Variants in KCNJ6 observed in about 807,000 individuals in gnomAD.
The protein encoded by KCNJ6 is potassium inwardly rectifying channel subfamily J member 6.
In KCNJ6, 9 loss-of-function variants were observed where a neutral mutation model predicts 34.2. The ratio of observed to expected loss-of-function variants is 0.26; its 90% CI spans 0.16 to 0.46. The LOEUF is 0.46. KCNJ6 is among the 20% of genes least tolerant of loss of function. The pLI is 1.00. For synonymous variants in KCNJ6, 196 were observed against 207.1 expected (o/e 0.95, Z 0.46); for missense variants, 236 against 531.3 (o/e 0.44, Z 5.46).
intron 3 of KCNJ6, among the ~76,000 whole-genome samples, chr21:37,648,373 G>A (rs530678998): frequency 1.3e-5 from 2 of 152,284 alleles, no homozygotes; most frequent in East Asian, 3.9e-4. Flanking sequence ...AAAGATGATG[G>A]GGAAAGCTGT....
intron 3 of KCNJ6, among the ~76,000 whole-genome samples, chr21:37,654,186 G>A (rs1339493276): frequency 1.4e-5 from 2 of 142,912 alleles, no homozygotes; most frequent in African/African-American, 2.6e-5. Context: ...TCGTTTGTTA[G>A]TTCATCCACA....
chr21:37,886,746 G>A (rs2123629831), intron 1 of KCNJ6, among the ~76,000 whole-genome samples: 1 of 152,186 alleles, frequency 6.6e-6, no homozygotes, highest in Admixed American at 6.5e-5. Flanking sequence ...TCAAAGCCTA[G>A]CTGTCACTCT....
intron 2 of KCNJ6, among the ~76,000 whole-genome samples, chr21:37,755,730 G>T (rs1344095888): frequency 3.9e-5 from 6 of 152,210 alleles, no homozygotes; most frequent in African/African-American, 1.2e-4. Flanking sequence ...AGCCATGAAG[G>T]GGTGAGGTGG....
intron 1 of KCNJ6, among the ~76,000 whole-genome samples, chr21:37,908,518 T>C (rs1021633112): frequency 6.6e-6 from 1 of 152,194 alleles, no homozygotes; most frequent in Admixed American, 6.5e-5. Flanking sequence ...GAAGACAGCA[T>C]CTAATTCTTC....
chr21:37,908,516 C>T (rs185882003), intron 1 of KCNJ6, among the ~76,000 whole-genome samples: 12 of 152,322 alleles, frequency 7.9e-5, no homozygotes, highest in Admixed American at 7.2e-4. Flanking sequence ...TAGAAGACAG[C>T]ATCTAATTCT....
At chr21:37,888,903 G>C (rs1447575399) in intron 1 of KCNJ6, among the ~76,000 whole-genome samples, 1 of 152,204 alleles carries the variant, frequency 6.6e-6, no homozygotes, top group East Asian at 1.9e-4. Context: ...GGGAGACTGA[G>C]GTCATCAAGG....
intron 1 of KCNJ6, among the ~76,000 whole-genome samples, chr21:37,899,266 C>T (rs2055804906): frequency 6.6e-6 from 1 of 152,002 alleles, no homozygotes; most frequent in African/African-American, 2.4e-5. Context: ...CATGACATCG[C>T]TTTAATGATA....
intron 2 of KCNJ6, among the ~76,000 whole-genome samples, chr21:37,739,908 G>T (rs576228313): frequency 1.1e-4 from 13 of 114,568 alleles, no homozygotes; most frequent in Non-Finnish European, 2.3e-4. Flanking sequence ...CAATTCTTTA[G>T]GTTTGAAAAA....
chr21:37,649,157 A>AAAAAAAAAAAAAAC (rs755535850), intron 3 of KCNJ6, among the ~76,000 whole-genome samples: 2 of 134,018 alleles, frequency 1.5e-5, no homozygotes, highest in Non-Finnish European at 1.6e-5. Flanking sequence ...AAAAAAAAGA[A>AAAAAAAAAAAAAAC]AGAAAAAGAA....
At chr21:37,855,645 T>C (rs1232805107) in intron 1 of KCNJ6, among the ~76,000 whole-genome samples, 3 of 152,198 alleles carry the variant, frequency 2.0e-5, no homozygotes, top group Admixed American at 6.5e-5. Flanking sequence ...CAAGAATGAC[T>C]GCATCTGCTG....
At chr21:37,886,215 C>G (rs2055734839) in intron 1 of KCNJ6, among the ~76,000 whole-genome samples, 1 of 152,178 alleles carries the variant, frequency 6.6e-6, no homozygotes, top group Admixed American at 6.5e-5. Flanking sequence ...AAACCCAACT[C>G]TTGATCTTTT....
rs909151437 is a variant in KCNJ6, at chr21:37,716,907, G to A, written c.26-1776C>T. ...TTCCTCCAGACTTAAATTCTGTGTC[G>A]TTTGACTCTGCCATGTGTTTCCTTT... On this transcript the variant is annotated intron_variant, in intron 2 of 3. Transcript: ENST00000609713. 2.6e-5 allele frequency among the ~76,000 whole-genome samples: 4 copies of A among 151,420 alleles called. No homozygotes were observed. The South Asian group carries it at 6.3e-4, about 24-fold the overall frequency.
At chr21:37,797,036 AC>A (rs1403057552) in intron 2 of KCNJ6, among the ~76,000 whole-genome samples, 1 of 148,620 alleles carries the variant, frequency 6.7e-6, no homozygotes, top group East Asian at 2.0e-4. Context: ...CTCATGATCC[AC>A]CCGCCTCGGC....
intron 2 of KCNJ6, among the ~76,000 whole-genome samples, chr21:37,809,260 C>G (rs940390251): frequency 7.2e-5 from 11 of 151,886 alleles, no homozygotes; most frequent in Non-Finnish European, 1.2e-4. Flanking sequence ...TCATTCTCAG[C>G]AAACTATCGC....
intron 1 of KCNJ6, among the ~76,000 whole-genome samples, chr21:37,848,173 G>A (rs979840325): frequency 2.6e-5 from 4 of 152,204 alleles, no homozygotes; most frequent in African/African-American, 7.2e-5. Context: ...TGAAGACCGT[G>A]GCAACCCACG....
chr21:37,614,534 CTCTGTG>C lies in KCNJ6; in HGVS notation c.*10619_*10624del, dbSNP rs2054256286. ...TCTGTATGCATGTGTGTATGCATGTCTCTGTGTATGCGTGTGTGTGTATGCGTGTGT... is the reference window on the plus strand; with the variant it reads ...TCTGTATGCATGTGTGTATGCATGTCTATGCGTGTGTGTGTATGCGTGTGT... On this transcript the variant is annotated 3_prime_UTR_variant, in exon 4 of 4. Coordinates refer to ENST00000609713, the MANE Select transcript of KCNJ6 (RefSeq NM_002240.5). 4.1e-5 allele frequency: 1 copy of C among 24,372 alleles called. No homozygotes were observed. The highest frequency in any genetic ancestry group is 1.2e-4 in the African/African-American group (1 of 8,016). 1.5% of individuals were successfully genotyped at this position (24,372 alleles called of 1,614,324 possible).
chr21:37,807,433 T>C (rs931578441), intron 2 of KCNJ6, among the ~76,000 whole-genome samples: 6 of 152,242 alleles, frequency 3.9e-5, no homozygotes, highest in Admixed American at 2.0e-4. Flanking sequence ...AGAGATTCAA[T>C]GTCCATTGTC....
At chr21:37,682,395 A>G (rs2054594682) in intron 3 of KCNJ6, among the ~76,000 whole-genome samples, 1 of 152,182 alleles carries the variant, frequency 6.6e-6, no homozygotes, top group African/African-American at 2.4e-5. Context: ...AAATTAAACT[A>G]TTGAAAGCAC....
intron 3 of KCNJ6, among the ~76,000 whole-genome samples, chr21:37,641,074 T>A (rs1601399289): frequency 6.6e-6 from 1 of 152,170 alleles, no homozygotes; most frequent in Non-Finnish European, 1.5e-5. Flanking sequence ...TATAGGAACC[T>A]CACACACTTT....
Sources: allele counts gnomAD v4.1 joint callset (sites outside exome capture counted in the v4.1 genomes callset), GRCh38; gene constraint gnomAD v4.1.1; transcripts MANE v1.5; gene names NCBI Gene and HGNC (gene_info 2026-07-23, HGNC 2026-07-21).